Variants in CSNK2A1 observed in about 807,000 individuals in gnomAD.
The protein encoded by CSNK2A1 is casein kinase 2 alpha 1, also known as casein kinase II subunit alpha.
CSNK2A1 carries 10 observed loss-of-function variants against 62.9 expected under a neutral mutation model. That is an observed-to-expected ratio of 0.16 (90% confidence interval 0.10 to 0.27). The LOEUF is 0.27. CSNK2A1 is among the 10% of genes least tolerant of loss of function. The probability of loss-of-function intolerance (pLI) is 1.00; values close to 1 mark genes in which losing one functional copy is unlikely to be tolerated. For missense variants in CSNK2A1, 160 were observed against 492.0 expected (o/e 0.33, Z 6.38); for synonymous variants, 124 against 167.8 (o/e 0.74, Z 2.02).
At chr20:522,434 C>T (rs75914936) in intron 2 of CSNK2A1, among the ~76,000 whole-genome samples, 11 of 152,318 alleles carry the variant, frequency 7.2e-5, no homozygotes, top group African/African-American at 2.6e-4. Context: ...ACAATTTAAT[C>T]TTGAGAAAAC....
In CSNK2A1 at chr20:499,275, C is replaced by T. The variant is rs1240575566; in HGVS notation, c.346G>A (p.Val116Ile). The T allele has an allele frequency of 5.6e-6, 9 of 1,607,808 alleles. No homozygotes were observed. Among genetic ancestry groups the T allele is most frequent in the Non-Finnish European group, 1.7e-6 (2 of 1,176,950 alleles). The change falls in exon 6 of 14, where the codon GTA becomes ATA. Residue 116 changes from valine to isoleucine, a missense_variant. Val to Ile is a conservative substitution (Grantham distance 29, BLOSUM62 3). This residue lies in a region of CSNK2A1 where 94 missense variants were observed against 357.6 expected (regional missense o/e 0.26). Transcript: ENST00000217244. The surrounding 1 kb of genome is among the most constrained non-coding windows in gnomAD (Gnocchi z 4.2). ...TATACCTTGAAGTCTGTGTTGTTTA[C>T]GTGTTCAAAAACCAAGGCGGGGGTT... ...SRTPALVFEHVNNTDFKQLYQ... is the reference protein window; with the variant it reads ...SRTPALVFEHINNTDFKQLYQ...
intron 2 of CSNK2A1, among the ~76,000 whole-genome samples, chr20:521,325 C>G (rs369339117): frequency 6.6e-6 from 1 of 152,096 alleles, no homozygotes. Context: ...CACTGCCAGA[C>G]AGCAGGGAAA....
chr20:478,547 A>G lies in CSNK2A1; in HGVS notation c.*5414T>C, dbSNP rs1255080651. ...TGACTCAGAAATACTCAATCCCCCC[A>G]GGAACTTCTCTAAGAAATGGACTGA... On this transcript the variant is annotated 3_prime_UTR_variant, in exon 14 of 14. Transcript: ENST00000217244. The G allele has an allele frequency of 3.2e-6, 1 of 309,444 alleles. No individual in the cohort carries two copies. The highest frequency in any genetic ancestry group is 2.3e-5 in the African/African-American group (1 of 42,860). The allele number at this position is 309,444 out of a possible 1,614,324, so 19.2% of individuals were successfully genotyped here. A position where few individuals can be genotyped will look rare whatever the true frequency, so the allele number is the denominator to read the frequency against.
chr20:495,874 T>A lies in CSNK2A1; in HGVS notation c.427-72A>T, dbSNP rs559859111. ...AGAGTCCTTTACTTTTCCCTCCATG[T>A]AAATTTTCCTTTTAGCCTCACAATA... On this transcript the variant is annotated intron_variant, in intron 7 of 13. Transcript: ENST00000217244. 5.8e-6 allele frequency: 8 copies of A among 1,367,778 alleles called. No homozygotes were observed. In the South Asian group the frequency reaches 9.3e-5, roughly 16 times the overall value. The allele number at this position is 1,367,778 out of a possible 1,614,324, so 84.7% of individuals were successfully genotyped here.
Position 499,246 on chromosome 20 carries a change from A to G in CSNK2A1, c.366+9T>C. ...CCACTAGCCCGAAACAGTTGGTTAT[A>G]TATTATACCTTGAAGTCTGTGTTGT... is the stretch of plus-strand genomic sequence containing the variant. On this transcript the variant is annotated intron_variant, in intron 6 of 13. Transcript: ENST00000217244. The surrounding 1 kb of genome is among the most constrained non-coding windows in gnomAD (Gnocchi z 4.2). The G allele has an allele frequency of 1.2e-6, 2 of 1,602,646 alleles. No individual in the cohort carries two copies. Among genetic ancestry groups the G allele is most frequent in the Non-Finnish European group, 1.7e-6 (2 of 1,174,316 alleles).
At chr20:497,879 C>A in intron 6 of CSNK2A1, 99 bp from the exon 7 acceptor site, 1 of 1,076,382 alleles carries the variant, frequency 9.3e-7, no homozygotes, top group South Asian at 1.3e-5. Context: ...GCTCATTTAC[C>A]GTTGTTCCAA....
At chr20:515,349 A>G (rs2018805618) in intron 2 of CSNK2A1, among the ~76,000 whole-genome samples, 1 of 152,236 alleles carries the variant, frequency 6.6e-6, no homozygotes, top group Non-Finnish European at 1.5e-5. Context: ...TAAGGTTAAA[A>G]TGGCTTTGAA....
rs528677566 is a variant in CSNK2A1, at chr20:517,779, A to G, written c.-109-9119T>C. On this transcript the variant is annotated intron_variant, in intron 2 of 13. Coordinates refer to ENST00000217244, the MANE Select transcript of CSNK2A1 (RefSeq NM_177559.3). ...TTTTGTTATCTTCTATAAGAAACAC[A>G]TCATTGGATGCCACATGCAACGTGG... 5.3e-5 allele frequency among the ~76,000 whole-genome samples: 8 copies of G among 152,284 alleles called. No homozygotes were observed. In the South Asian group the frequency reaches 1.7e-3, roughly 32 times the overall value.
chr20:513,419 A>C (rs563651774), intron 2 of CSNK2A1, among the ~76,000 whole-genome samples: 1 of 152,374 alleles, frequency 6.6e-6, no homozygotes, highest in African/African-American at 2.4e-5. Context: ...ATTTGTATTA[A>C]GTAATTACTA....
intron 2 of CSNK2A1, among the ~76,000 whole-genome samples, chr20:513,656 C>T (rs1024377817): frequency 2.0e-5 from 3 of 152,204 alleles, no homozygotes; most frequent in African/African-American, 7.2e-5. Flanking sequence ...ACATTCTCAT[C>T]ACCCAGTCTT....
At chr20:508,986 A>G (rs980485169) in intron 2 of CSNK2A1, among the ~76,000 whole-genome samples, 2 of 152,248 alleles carry the variant, frequency 1.3e-5, no homozygotes, top group Non-Finnish European at 2.9e-5. Flanking sequence ...CACTAGTTAT[A>G]TATTCTACAA....
chr20:478,672 T>C lies in CSNK2A1; in HGVS notation c.*5289A>G. 2.3e-6 allele frequency: 1 copy of C among 429,094 alleles called. No individual in the cohort carries two copies. Among genetic ancestry groups the C allele is most frequent in the South Asian group, 1.6e-5 (1 of 62,570 alleles). The allele number at this position is 429,094 out of a possible 1,614,324, so 26.6% of individuals were successfully genotyped here. The stretch of plus-strand genomic sequence containing the variant: ...GGCCAGGTGTGGTGGCTCATGCCTC[T>C]AATCTCAGCACTTTGGGAGGCCAAG... On this transcript the variant is annotated 3_prime_UTR_variant, in exon 14 of 14. Coordinates refer to ENST00000217244, the MANE Select transcript of CSNK2A1 (RefSeq NM_177559.3).
At chr20:524,313 C>G (rs1266212874) in intron 2 of CSNK2A1, among the ~76,000 whole-genome samples, 1 of 150,196 alleles carries the variant, frequency 6.7e-6, no homozygotes, top group Non-Finnish European at 1.5e-5. Flanking sequence ...GTCCCAGCTG[C>G]TCTTAGAGGC....
At chr20:485,286 C>T (rs894532452) in intron 13 of CSNK2A1, among the ~76,000 whole-genome samples, 8 of 150,770 alleles carry the variant, frequency 5.3e-5, no homozygotes, top group Non-Finnish European at 8.9e-5. Context: ...CAAGTTCAAG[C>T]GATTATCTTG....
chr20:497,640 G>T, intron 7 of CSNK2A1, 81 bp downstream of exon 7: 1 of 1,207,168 alleles, frequency 8.3e-7, no homozygotes, highest in Non-Finnish European at 1.2e-6. Flanking sequence ...AAGTTAATCT[G>T]CTGGCTTTTC....
intron 4 of CSNK2A1, chr20:504,490 AATCTTGAGCC>A (rs1292569413): frequency 2.0e-5 from 3 of 152,342 alleles, no homozygotes; most frequent in South Asian, 4.1e-4. Context: ...GTTTTTTTAA[AATCTTGAGCC>A]AACACTTAAA....
intron 2 of CSNK2A1, among the ~76,000 whole-genome samples, chr20:511,561 A>T (rs2018718988): frequency 1.3e-5 from 2 of 152,200 alleles, no homozygotes; most frequent in Non-Finnish European, 2.9e-5. Context: ...TAGGAACCTC[A>T]TATAAGTGGA....
chr20:537,071 T>C (rs1463291504), intron 1 of CSNK2A1, among the ~76,000 whole-genome samples: 1 of 152,150 alleles, frequency 6.6e-6, no homozygotes, highest in Non-Finnish European at 1.5e-5. Context: ...TAGTCATAAC[T>C]TCAGGAAAAT....
At chr20:486,723 G>A (rs1031304277) in intron 12 of CSNK2A1, 12 of 406,718 alleles carry the variant, frequency 3.0e-5, no homozygotes, top group South Asian at 9.0e-5. Flanking sequence ...ATAGCAGAGC[G>A]AATTTAATGA....
Sources: gnomAD v4.1 joint callset for allele counts (sites outside exome capture counted in the v4.1 genomes callset) on GRCh38, gnomAD v4.1.1 for gene constraint, gnomAD v4.1.1 regional missense constraint, Gnocchi (gnomAD v3.1) non-coding constraint, MANE v1.5 for transcripts, NCBI Gene and HGNC (gene_info 2026-07-23, HGNC 2026-07-21) for gene names.